The following OR2C1 variants were observed in gnomAD, a reference collection of about 807,000 sequenced individuals.
The protein encoded by OR2C1 is olfactory receptor family 2 subfamily C member 1, also known as olfactory receptor 2C1.
For missense variants in OR2C1, 468 were observed against 388.3 expected, an observed-to-expected ratio of 1.21 and a Z score of -1.73; for synonymous variants, 209 against 167.3, an observed-to-expected ratio of 1.25 and a Z score of -1.92.
chr16:3,351,034 CAAAAAAA>C (rs1172796202), upstream of OR2C1, among the ~76,000 whole-genome samples: 2 of 49,554 alleles, frequency 4.0e-5, no homozygotes, highest in Non-Finnish European at 8.8e-5. Flanking sequence ...GACCCTGACT[CAAAAAAA>C]AAAAAAAAAA....
the OR2C1 span, among the ~76,000 whole-genome samples, chr16:3,349,776 C>T: frequency 6.6e-6 from 1 of 151,968 alleles, no homozygotes; most frequent in East Asian, 2.0e-4. Context: ...GTGGTACATG[C>T]CTGTAATCCC....
the OR2C1 span, among the ~76,000 whole-genome samples, chr16:3,349,687 A>G: frequency 6.6e-6 from 1 of 152,116 alleles, no homozygotes; most frequent in African/African-American, 2.4e-5. Flanking sequence ...AAAGGAAAAT[A>G]GCAGAGACAG....
rs757066340 is a variant in OR2C1, at chr16:3,356,752, G to C, written c.812G>C (p.Gly271Ala). The C allele has an allele frequency of 6.2e-7, 1 of 1,613,510 alleles. No individual in the cohort carries two copies. Among genetic ancestry groups the C allele is most frequent in the African/African-American group, 1.3e-5 (1 of 74,994 alleles). ...LPAKNSKQDQGKFISLFYSLV... is the reference protein window; with the variant it reads ...LPAKNSKQDQAKFISLFYSLV... ...GCCAAGAACAGCAAACAGGACCAGG[G>C]CAAGTTCATTTCCCTGTTCTACTCG... Residue 271 changes from glycine (G) to alanine (A), a missense_variant, in exon 1 of 1, where the codon GGC becomes GCC. Physicochemically the swap from Gly to Ala is moderately conservative, Grantham distance 60. Coordinates refer to ENST00000304936, the MANE Select transcript of OR2C1 (RefSeq NM_012368.3).
the OR2C1 span, among the ~76,000 whole-genome samples, chr16:3,348,326 C>T: frequency 1.3e-5 from 2 of 152,110 alleles, no homozygotes; most frequent in African/African-American, 2.4e-5. Context: ...CATAATTTAC[C>T]GAATTCCCCT....
At chr16:3,335,516 A>G in the OR2C1 span, among the ~76,000 whole-genome samples, 1 of 133,272 alleles carries the variant, frequency 7.5e-6, no homozygotes, top group Non-Finnish European at 1.6e-5. Context: ...TATAAATGCT[A>G]CTGCTTTTTT....
the OR2C1 span, among the ~76,000 whole-genome samples, chr16:3,350,245 G>A: frequency 2.7e-4 from 40 of 150,728 alleles, no homozygotes; most frequent in African/African-American, 7.8e-4. Context: ...TAGTAGAGAG[G>A]GGGTTTCCCA....
At chr16:3,333,317 T>C in the OR2C1 span, among the ~76,000 whole-genome samples, 98 of 149,950 alleles carry the variant, frequency 6.5e-4, no homozygotes, top group Non-Finnish European at 1.0e-3. Context: ...AGTTTACAAA[T>C]ATTTTCTTTT....
upstream of OR2C1, among the ~76,000 whole-genome samples, chr16:3,351,440 C>A (rs145080578): frequency 3.8e-3 from 584 of 151,954 alleles, 3 homozygotes; most frequent in African/African-American, 0.013. Context: ...ATAGTGAAGA[C>A]ATTAATTGGA....
At chr16:3,328,560 T>C in the OR2C1 span, among the ~76,000 whole-genome samples, 1 of 152,232 alleles carries the variant, frequency 6.6e-6, no homozygotes, top group Non-Finnish European at 1.5e-5. Context: ...ACCTAGCACC[T>C]GTCTCCTGGG....
chr16:3,338,245 C>T, the OR2C1 span, among the ~76,000 whole-genome samples: 1 of 152,182 alleles, frequency 6.6e-6, no homozygotes, highest in African/African-American at 2.4e-5. Context: ...GGTAGTTCCA[C>T]TTACCCTCTT....
At chr16:3,338,955 C>G in the OR2C1 span, among the ~76,000 whole-genome samples, 9 of 152,262 alleles carry the variant, frequency 5.9e-5, 1 homozygote, top group East Asian at 7.7e-4. Flanking sequence ...CATCTAGTTC[C>G]AAAATATTTT....
chr16:3,329,019 G>T, the OR2C1 span, among the ~76,000 whole-genome samples: 5 of 145,752 alleles, frequency 3.4e-5, no homozygotes, highest in South Asian at 8.8e-4. Flanking sequence ...ATTTGAAGCA[G>T]GGTCTCACTT....
chr16:3,324,232 C>T, the OR2C1 span, among the ~76,000 whole-genome samples: 2 of 152,068 alleles, frequency 1.3e-5, no homozygotes, highest in Admixed American at 6.6e-5. Context: ...CACTCTATCC[C>T]CCAGGCTGGA....
At chr16:3,336,165 A>G in the OR2C1 span, among the ~76,000 whole-genome samples, 1 of 152,206 alleles carries the variant, frequency 6.6e-6, no homozygotes, top group African/African-American at 2.4e-5. Flanking sequence ...TTCAGAAAGT[A>G]TTGAAATGAT....
the OR2C1 span, among the ~76,000 whole-genome samples, chr16:3,328,987 A>AATTT: frequency 6.7e-6 from 1 of 148,984 alleles, no homozygotes; most frequent in Non-Finnish European, 1.5e-5. Context: ...TGGACTAGGA[A>AATTT]AATTAATTAA....
At chr16:3,352,738 C>CTTTTTTTT (rs56083973), upstream of OR2C1, among the ~76,000 whole-genome samples, 3 of 113,132 alleles carry the variant, frequency 2.7e-5, no homozygotes, top group South Asian at 3.0e-4. Context: ...TTCTTTCTTT[C>CTTTTTTTT]TTTTTTTTTT....
chr16:3,330,309 G>A, the OR2C1 span, among the ~76,000 whole-genome samples: 95 of 151,512 alleles, frequency 6.3e-4, no homozygotes, highest in African/African-American at 2.1e-3. Flanking sequence ...GTAGAGACAG[G>A]GTTTCATCGT....
At chr16:3,333,455 C>T in the OR2C1 span, among the ~76,000 whole-genome samples, 1 of 151,954 alleles carries the variant, frequency 6.6e-6, no homozygotes, top group Non-Finnish European at 1.5e-5. Flanking sequence ...CCTGCCTCAG[C>T]CTCCCCAGTA....
the OR2C1 span, among the ~76,000 whole-genome samples, chr16:3,349,990 A>T: frequency 6.6e-6 from 1 of 150,888 alleles, no homozygotes; most frequent in South Asian, 2.1e-4. Context: ...GTTTATACAG[A>T]GGTCTGTGAC....
Sources: allele counts gnomAD v4.1 joint callset (sites outside exome capture counted in the v4.1 genomes callset), GRCh38; gene constraint gnomAD v4.1.1; transcripts MANE v1.5; gene names NCBI Gene and HGNC (gene_info 2026-07-23, HGNC 2026-07-21).